Variants in THSD7B observed in about 807,000 individuals in gnomAD.
THSD7B encodes the protein thrombospondin type-1 domain-containing protein 7B.
In THSD7B, 138 loss-of-function variants were observed where a neutral mutation model predicts 213.6. The observed-to-expected ratio is 0.65, with a 90% CI of 0.56 to 0.74. The LOEUF is 0.74. THSD7B is among the 30% of genes least tolerant of loss of function. The pLI is 0.00. For synonymous variants in THSD7B, 742 were observed against 687.0 expected (o/e 1.08, Z -1.25); for missense variants, 1,931 against 1,991.5 (o/e 0.97, Z 0.58).
At chr2:137,380,711 G>A (rs1185255061) in intron 12 of THSD7B, among the ~76,000 whole-genome samples, 1 of 152,220 alleles carries the variant, frequency 6.6e-6, no homozygotes, top group East Asian at 1.9e-4. Flanking sequence ...CATTAGCCTG[G>A]TGTAAGGAAA....
At chr2:136,802,590 A>G (rs977459886) in intron 1 of THSD7B, among the ~76,000 whole-genome samples, 2 of 140,864 alleles carry the variant, frequency 1.4e-5, no homozygotes, top group African/African-American at 5.2e-5. Flanking sequence ...GTATCCCTGC[A>G]TGTGTACTAT....
chr2:137,520,724 A>C (rs906004041), intron 15 of THSD7B, among the ~76,000 whole-genome samples: 1 of 152,246 alleles, frequency 6.6e-6, no homozygotes, highest in East Asian at 1.9e-4. Flanking sequence ...TATCTTCAGC[A>C]TCCCTGGAGC....
chr2:136,890,303 C>CTTCTTCTTCTTCTTCTTCTTCTT (rs200389806), intron 2 of THSD7B, among the ~76,000 whole-genome samples: 2 of 5,164 alleles, frequency 3.9e-4, no homozygotes, highest in African/African-American at 1.1e-3. Context: ...ATGTCCTACT[C>CTTCTTCTTCTTCTTCTTCTTCTT]CTTCTTCTTC....
At chr2:137,267,928 C>T (rs1388957135) in intron 10 of THSD7B, among the ~76,000 whole-genome samples, 1 of 152,194 alleles carries the variant, frequency 6.6e-6, no homozygotes, top group Admixed American at 6.5e-5. Flanking sequence ...TTTGACATCA[C>T]TTTCTGAGAG....
At chr2:136,992,499 T>G (rs1248290599) in intron 2 of THSD7B, among the ~76,000 whole-genome samples, 1 of 152,082 alleles carries the variant, frequency 6.6e-6, no homozygotes, top group Admixed American at 6.5e-5. Flanking sequence ...GAAAAGCCTA[T>G]GGGGGATGGA....
chr2:137,073,752 T>C (rs1018322833), intron 3 of THSD7B, among the ~76,000 whole-genome samples: 3 of 152,214 alleles, frequency 2.0e-5, no homozygotes, highest in African/African-American at 7.2e-5. Context: ...ACACACTGCT[T>C]TGAATGTGTC....
intron 7 of THSD7B, among the ~76,000 whole-genome samples, chr2:137,220,474 T>C (rs943761915): frequency 1.3e-5 from 2 of 152,164 alleles, no homozygotes; most frequent in Admixed American, 6.5e-5. Context: ...TACAGTTTAA[T>C]AACACTACCC....
chr2:137,134,386 T>C (rs112745796), intron 5 of THSD7B, among the ~76,000 whole-genome samples: 2,440 of 152,268 alleles, frequency 0.016, 71 homozygotes, highest in African/African-American at 0.055. Context: ...GCAGCAGTGG[T>C]CTCCTGTTGA....
At chr2:136,986,818 G>C (rs1395769033) in intron 2 of THSD7B, among the ~76,000 whole-genome samples, 8 of 152,110 alleles carry the variant, frequency 5.3e-5, no homozygotes, top group Admixed American at 5.2e-4. Context: ...TCTTATTTCT[G>C]TCACTCTGTC....
chr2:136,804,789 C>T (rs1682254705), intron 1 of THSD7B, among the ~76,000 whole-genome samples: 1 of 152,086 alleles, frequency 6.6e-6, no homozygotes, highest in Non-Finnish European at 1.5e-5. Flanking sequence ...AAAAAGCTTG[C>T]TTAATTATTA....
At chr2:137,635,557 G>A (rs1302176026) in intron 20 of THSD7B, among the ~76,000 whole-genome samples, 1 of 152,034 alleles carries the variant, frequency 6.6e-6, no homozygotes, top group African/African-American at 2.4e-5. Flanking sequence ...AATATAATAA[G>A]CCCAGTAAAA....
chr2:137,298,409 C>T lies in THSD7B; in HGVS notation c.2500+22383C>T, dbSNP rs368774559. Among the ~76,000 whole-genome samples, 41 of 152,158 alleles carry T rather than the reference C, an allele frequency of 2.7e-4. No individual in the cohort carries two copies. In the South Asian group the frequency reaches 3.1e-3, roughly 12 times the overall value. The stretch of plus-strand genomic sequence containing the variant: ...AAAGTTCAGAAAATTTGCAGCCTGA[C>T]GATGCAGTAGAGAAGCAAAACCCAT... On this transcript the variant is annotated intron_variant, in intron 12 of 27. Coordinates refer to ENST00000409968, the MANE Select transcript of THSD7B (RefSeq NM_001316349.2).
At chr2:137,311,354 T>C (rs576084261) in intron 12 of THSD7B, among the ~76,000 whole-genome samples, 2 of 152,170 alleles carry the variant, frequency 1.3e-5, no homozygotes, top group East Asian at 3.9e-4. Context: ...TACATTGATT[T>C]TGTATCCTGA....
intron 20 of THSD7B, among the ~76,000 whole-genome samples, chr2:137,635,767 C>T (rs1170678933): frequency 6.6e-6 from 1 of 151,632 alleles, no homozygotes; most frequent in East Asian, 1.9e-4. Context: ...TGCAGTGGCA[C>T]GATCTTGGCT....
intron 1 of THSD7B, among the ~76,000 whole-genome samples, chr2:136,880,161 A>T: frequency 6.6e-6 from 1 of 152,274 alleles, no homozygotes; most frequent in African/African-American, 2.4e-5. Context: ...AACAGAATAT[A>T]CATTCTTCTC....
At chr2:137,470,522 A>G (rs987032707) in intron 15 of THSD7B, among the ~76,000 whole-genome samples, 3 of 152,182 alleles carry the variant, frequency 2.0e-5, no homozygotes, top group African/African-American at 7.2e-5. Flanking sequence ...CTGGCATGTA[A>G]TGATAGGTAG....
At chr2:136,966,911 TTC>T (rs1209445543) in intron 2 of THSD7B, among the ~76,000 whole-genome samples, 1 of 152,320 alleles carries the variant, frequency 6.6e-6, no homozygotes, top group East Asian at 1.9e-4. Flanking sequence ...GTCTATTCTA[TTC>T]TCTTTCTCTC....
chr2:137,124,127 C>T (rs1254662353), intron 5 of THSD7B, among the ~76,000 whole-genome samples: 1 of 152,164 alleles, frequency 6.6e-6, no homozygotes, highest in Non-Finnish European at 1.5e-5. Context: ...TAGAAGATTA[C>T]ATTTGGAAAA....
At chr2:137,617,019 C>T (rs1007734572) in intron 18 of THSD7B, among the ~76,000 whole-genome samples, 1 of 147,426 alleles carries the variant, frequency 6.8e-6, no homozygotes, top group Non-Finnish European at 1.5e-5. Flanking sequence ...AAAGCAATTG[C>T]CTTTTCTGAA....
Sources: gnomAD v4.1 joint callset for allele counts (sites outside exome capture counted in the v4.1 genomes callset) on GRCh38, gnomAD v4.1.1 for gene constraint, MANE v1.5 for transcripts, NCBI Gene and HGNC (gene_info 2026-07-23, HGNC 2026-07-21) for gene names.